The following HMCN1 variants were observed in gnomAD, a reference collection of about 807,000 sequenced individuals.
HMCN1 encodes the protein hemicentin-1.
In HMCN1, 321 loss-of-function variants were observed where a neutral mutation model predicts 625.9. The observed-to-expected ratio is 0.51, with a 90% CI of 0.47 to 0.56. The LOEUF is 0.56. Ranked by LOEUF, HMCN1 falls within the 20% of genes least tolerant of loss-of-function variation. HMCN1 has a pLI of 0.00. For synonymous variants in HMCN1, 2,425 were observed against 2,417.6 expected (o/e 1.00, Z -0.09); for missense variants, 6,588 against 6,887.3 (o/e 0.96, Z 1.54).
intron 40 of HMCN1, 75 bp downstream of exon 40, chr1:186,041,211 G>A: frequency 2.3e-6 from 3 of 1,290,168 alleles, no homozygotes; most frequent in Non-Finnish European, 3.4e-6. Flanking sequence ...AAAGTTAAGG[G>A]AAGTTGTTGA....
At chr1:186,127,984 G>C in intron 82 of HMCN1, 94 bp from the exon 83 acceptor site, 2 of 1,023,722 alleles carry the variant, frequency 2.0e-6, no homozygotes, top group South Asian at 2.7e-5. Context: ...TTGGATAAGA[G>C]AGTTTCTTGA....
chr1:186,105,877 A>G (rs1378351090), intron 69 of HMCN1, among the ~76,000 whole-genome samples: 3 of 152,216 alleles, frequency 2.0e-5, no homozygotes, highest in African/African-American at 7.2e-5. Flanking sequence ...GAGAAGAGTT[A>G]GTTTTAGAGA....
intron 4 of HMCN1, among the ~76,000 whole-genome samples, chr1:185,897,920 CTAAT>C (rs1461630965): frequency 8.5e-5 from 13 of 152,182 alleles, no homozygotes; most frequent in Non-Finnish European, 8.8e-5. Context: ...TTGCAGGAAA[CTAAT>C]TACCTATCCA....
chr1:185,782,269 C>A (rs568433641), intron 1 of HMCN1, among the ~76,000 whole-genome samples: 29 of 152,320 alleles, frequency 1.9e-4, no homozygotes, highest in Non-Finnish European at 3.4e-4. Context: ...CTCCTGAATA[C>A]AGCACACTGA....
In HMCN1 at chr1:186,128,141, G is replaced by A; in HGVS notation, c.12754G>A (p.Val4252Ile). Residue 4252 changes from valine to isoleucine, a missense_variant, in exon 83 of 107, where the codon GTC becomes ATC. Transcript: ENST00000271588. ...TGCTGCAGGTGAAGATACACACACT[G>A]TCAGCCTGACTGTGCATGTTCTCCC... Reference protein sequence around the residue: ...NNAAGEDTHTVSLTVHVLPTF... With the variant: ...NNAAGEDTHTISLTVHVLPTF... 1 of 1,613,680 alleles carries A rather than the reference G, an allele frequency of 6.2e-7. No individual in the cohort carries two copies. The highest frequency in any genetic ancestry group is 8.5e-7 in the Non-Finnish European group (1 of 1,179,746).
At chr1:186,100,997 C>T (rs1266008541) in intron 68 of HMCN1, among the ~76,000 whole-genome samples, 1 of 152,100 alleles carries the variant, frequency 6.6e-6, no homozygotes, top group Admixed American at 6.6e-5. Flanking sequence ...CATCCACCTA[C>T]ATCTCATTGG....
intron 41 of HMCN1, among the ~76,000 whole-genome samples, chr1:186,047,314 A>C (rs1305095897): frequency 6.6e-6 from 1 of 152,208 alleles, no homozygotes; most frequent in Non-Finnish European, 1.5e-5. Flanking sequence ...AGAGCCCAGC[A>C]TTCTAGAAAG....
intron 15 of HMCN1, among the ~76,000 whole-genome samples, chr1:185,972,214 C>T (rs1378097091): frequency 1.3e-5 from 2 of 152,122 alleles, no homozygotes; most frequent in Admixed American, 1.3e-4. Context: ...AGTAATTTTT[C>T]CCAACAAAAA....
intron 46 of HMCN1, among the ~76,000 whole-genome samples, chr1:186,057,770 CA>C (rs1219752548): frequency 6.6e-6 from 1 of 151,882 alleles, no homozygotes; most frequent in Non-Finnish European, 1.5e-5. Context: ...CTTCTATAAC[CA>C]AATATTAATA....
At chr1:185,812,939 T>C (rs906428386) in intron 1 of HMCN1, among the ~76,000 whole-genome samples, 1 of 152,130 alleles carries the variant, frequency 6.6e-6, no homozygotes, top group South Asian at 2.1e-4. Context: ...AGATAACTAT[T>C]ATAAGTTTTC....
intron 2 of HMCN1, among the ~76,000 whole-genome samples, chr1:185,858,157 C>A (rs1662589859): frequency 6.6e-6 from 1 of 152,024 alleles, no homozygotes. Flanking sequence ...TTACCTTATC[C>A]ATTGATGTAA....
At chr1:186,043,003 C>T (rs550206821) in intron 40 of HMCN1, among the ~76,000 whole-genome samples, 1 of 152,126 alleles carries the variant, frequency 6.6e-6, no homozygotes, top group East Asian at 1.9e-4. Flanking sequence ...GTATGTTTTG[C>T]CATACCCTGA....
chr1:185,945,284 A>G (rs1386057933), intron 11 of HMCN1, among the ~76,000 whole-genome samples: 1 of 152,190 alleles, frequency 6.6e-6, no homozygotes, highest in African/African-American at 2.4e-5. Flanking sequence ...CATTCATACT[A>G]TGTAGTAGGA....
chr1:186,094,450 T>G (rs1194144572), intron 67 of HMCN1, 77 bp downstream of exon 67: 10 of 999,452 alleles, frequency 1.0e-5, no homozygotes, highest in Non-Finnish European at 1.6e-5. Flanking sequence ...GAAACCGACT[T>G]CCTCAGAGAT....
At chr1:185,862,413 T>G (rs1041430450) in intron 2 of HMCN1, among the ~76,000 whole-genome samples, 3 of 151,990 alleles carry the variant, frequency 2.0e-5, no homozygotes, top group African/African-American at 7.2e-5. Context: ...TGACCACTGA[T>G]TAGATGAAAG....
intron 1 of HMCN1, among the ~76,000 whole-genome samples, chr1:185,835,321 G>A (rs1400534311): frequency 5.3e-5 from 8 of 151,468 alleles, no homozygotes; most frequent in Non-Finnish European, 1.2e-4. Flanking sequence ...AATGTCTCTT[G>A]TTTCTCTTCT....
chr1:185,894,155 C>CA (rs72365412), intron 4 of HMCN1, among the ~76,000 whole-genome samples: 18 of 142,302 alleles, frequency 1.3e-4, no homozygotes, highest in Admixed American at 2.0e-4. Flanking sequence ...AAAACAAAAA[C>CA]AAAAAAAACA....
intron 14 of HMCN1, among the ~76,000 whole-genome samples, chr1:185,969,439 C>T (rs1264726422): frequency 6.6e-6 from 1 of 152,002 alleles, no homozygotes; most frequent in Non-Finnish European, 1.5e-5. Context: ...ATTTGTTGCC[C>T]CGAGTCTGTT....
intron 36 of HMCN1, among the ~76,000 whole-genome samples, chr1:186,027,954 G>A (rs10798030): frequency 0.61 from 92,641 of 151,924 alleles, 29,189 homozygotes; most frequent in African/African-American, 0.78. Flanking sequence ...AAGGAGACTC[G>A]GGAATGTTGC....
Sources: allele counts gnomAD v4.1 joint callset (sites outside exome capture counted in the v4.1 genomes callset), GRCh38; gene constraint gnomAD v4.1.1; transcripts MANE v1.5; gene names NCBI Gene and HGNC (gene_info 2026-07-23, HGNC 2026-07-21).